Variants in RNF10 observed in about 807,000 individuals in gnomAD.
RNF10 encodes E3 ubiquitin-protein ligase RNF10.
Under a neutral mutation model 91.4 loss-of-function variants are expected in RNF10, and 38 were observed. The observed-to-expected ratio is 0.42, with a 90% CI of 0.32 to 0.54. The LOEUF (loss-of-function observed/expected upper bound fraction) is 0.54, where lower values mean the gene tolerates loss of function less well. RNF10 is among the 20% of genes least tolerant of loss of function. The probability of loss-of-function intolerance (pLI) is 0.16; values close to 1 mark genes in which losing one functional copy is unlikely to be tolerated. For missense variants in RNF10, 945 were observed against 1,012.0 expected (o/e 0.93, Z 0.90); for synonymous variants, 364 against 366.3 (o/e 0.99, Z 0.07).
rs1870490889 is a variant in RNF10, at chr12:120,534,833, G to A, written c.22G>A (p.Ala8Thr). Residue 8 changes from alanine (A) to threonine (T), a missense_variant, in exon 1 of 17, where the codon GCC becomes ACC. Coordinates refer to ENST00000325954, the MANE Select transcript of RNF10 (RefSeq NM_014868.5). ...GTTGATGCCGCTGAGCTCCCCCAACGCCGCCGCCACCGCCTCCGACATGGA... is the reference window on the plus strand; with the variant it reads ...GTTGATGCCGCTGAGCTCCCCCAACACCGCCGCCACCGCCTCCGACATGGA... MPLSSPN[A>T]AATASDMDKN... is the part of the protein sequence containing the mutation. 4 of 1,595,986 alleles carry A rather than the reference G, an allele frequency of 2.5e-6. No individual in the cohort carries two copies. Among genetic ancestry groups the A allele is most frequent in the African/African-American group, 1.3e-5 (1 of 74,670 alleles).
At chr12:120,558,936 T>G (rs1309108617) in intron 6 of RNF10, among the ~76,000 whole-genome samples, 1 of 151,966 alleles carries the variant, frequency 6.6e-6, no homozygotes, top group Non-Finnish European at 1.5e-5. Context: ...ATTAACCCTT[T>G]ATTTGAGATG....
At chr12:120,567,482 C>T (rs556211452) in intron 13 of RNF10, among the ~76,000 whole-genome samples, 2 of 151,550 alleles carry the variant, frequency 1.3e-5, no homozygotes, top group South Asian at 2.1e-4. Context: ...GCGGGTGGAT[C>T]ACGAGGTCAG....
At chr12:120,566,776 AAAAT>A in intron 12 of RNF10, 45 bp from the exon 13 acceptor site, 1 of 1,565,824 alleles carries the variant, frequency 6.4e-7, no homozygotes, top group Middle Eastern at 1.7e-4. Context: ...AAAAAAAAAA[AAAAT>A]TGAATTCTGT....
At chr12:120,571,525 A>C (rs16950282) in intron 14 of RNF10, among the ~76,000 whole-genome samples, 4,551 of 152,284 alleles carry the variant, frequency 0.03, 237 homozygotes, top group African/African-American at 0.1. Flanking sequence ...GGAGAGACTT[A>C]ACAGGCTAAT....
chr12:120,534,674 A>G lies in RNF10; in HGVS notation c.-138A>G. 1 of 1,376,376 alleles carries G rather than the reference A, an allele frequency of 7.3e-7. No homozygotes were observed. The highest frequency in any genetic ancestry group is 9.3e-7 in the Non-Finnish European group (1 of 1,074,210). The allele number at this position is 1,376,376 out of a possible 1,614,324, so 85.3% of individuals were successfully genotyped here. On this transcript the variant is annotated 5_prime_UTR_variant, in exon 1 of 17. Coordinates refer to ENST00000325954, the MANE Select transcript of RNF10 (RefSeq NM_014868.5). Reference sequence around the variant, plus strand: ...TCTTCCTAGTTTGAGAAGCCAAGGAAGGAAACAGGGAAAAATGTCGCCATG... The same window carrying G: ...TCTTCCTAGTTTGAGAAGCCAAGGAGGGAAACAGGGAAAAATGTCGCCATG...
intron 13 of RNF10, among the ~76,000 whole-genome samples, chr12:120,568,954 T>C (rs1326116231): frequency 6.6e-6 from 1 of 151,944 alleles, no homozygotes; most frequent in East Asian, 1.9e-4. Flanking sequence ...TACGTCTGAT[T>C]TCTCAGGCAT....
Position 120,575,716 on chromosome 12 carries a change from A to C in RNF10, c.2200+28A>C, listed in dbSNP as rs201579071. 5,167 of 1,613,962 alleles carry C rather than the reference A, an allele frequency of 3.2e-3. 9 individuals are homozygous for C. The highest frequency in any genetic ancestry group is 4.0e-3 in the Non-Finnish European group (4,732 of 1,179,940). The stretch of plus-strand genomic sequence containing the variant: ...GAGGATGGTCCACTGGTGAAGGGGG[A>C]GTTTGGCTTCTTTCCATAAAAGGCT... On this transcript the variant is annotated intron_variant, in intron 15 of 16. Transcript: ENST00000325954.
At chr12:120,557,102 GA>G (rs77621371) in intron 4 of RNF10, among the ~76,000 whole-genome samples, 179 bp from the exon 5 acceptor site, 2 of 137,324 alleles carry the variant, frequency 1.5e-5, no homozygotes, top group African/African-American at 5.3e-5. Flanking sequence ...AAAAAAAAAA[GA>G]AAAAAATGAT....
Position 120,560,788 on chromosome 12 carries a change from G to T in RNF10, c.1030G>T (p.Val344Leu), listed in dbSNP as rs967218537. ...CTCTAAGGAGCAGGTGCTGCACCGG[G>T]TAGTTCTGGAGGAGAAAGTAGCACT... ...LASKEQVLHRVVLEEKVALEQ... is the reference protein window; with the variant it reads ...LASKEQVLHRLVLEEKVALEQ... Residue 344 changes from valine to leucine, a missense_variant, in exon 7 of 17, where the codon GTA becomes TTA. Coordinates refer to ENST00000325954, the MANE Select transcript of RNF10 (RefSeq NM_014868.5). The T allele has an allele frequency of 6.2e-7, 1 of 1,614,082 alleles. No individual in the cohort carries two copies. Among genetic ancestry groups the T allele is most frequent in the Non-Finnish European group, 8.5e-7 (1 of 1,180,034 alleles).
At chr12:120,556,142 A>G (rs113009191) in intron 4 of RNF10, among the ~76,000 whole-genome samples, 10 of 152,194 alleles carry the variant, frequency 6.6e-5, no homozygotes, top group African/African-American at 2.2e-4. Flanking sequence ...TATAAACTCT[A>G]GGTATCCCCT....
chr12:120,535,785 C>T (rs1306415974), intron 1 of RNF10, among the ~76,000 whole-genome samples: 1 of 152,082 alleles, frequency 6.6e-6, no homozygotes, highest in Non-Finnish European at 1.5e-5. Context: ...ATAATAGCTA[C>T]CTTTAATTGA....
At chr12:120,559,329 C>T (rs1874500333) in intron 6 of RNF10, among the ~76,000 whole-genome samples, 1 of 151,484 alleles carries the variant, frequency 6.6e-6, no homozygotes, top group Non-Finnish European at 1.5e-5. Context: ...TTTCAGGCAC[C>T]TGCCACCACG....
chr12:120,555,202 GAA>G (rs1873792163), intron 4 of RNF10, among the ~76,000 whole-genome samples: 1 of 152,198 alleles, frequency 6.6e-6, no homozygotes, highest in African/African-American at 2.4e-5. Context: ...TCTTTTTTGA[GAA>G]AGAGTCTCAC....
At position 120,566,918 on chromosome 12, in the gene RNF10, G is replaced by A. The variant is rs771856939; in HGVS notation, c.1979G>A (p.Ser660Asn). 2 of 1,613,900 alleles carry A rather than the reference G, an allele frequency of 1.2e-6. No individual in the cohort carries two copies. Among genetic ancestry groups the A allele is most frequent in the South Asian group, 1.1e-5 (1 of 91,022 alleles). The change falls in exon 13 of 17, where the codon AGC (serine) becomes AAC (asparagine). Residue 660 changes from serine to asparagine, a missense_variant. Physicochemically the swap from Ser to Asn is conservative, Grantham distance 46. Transcript: ENST00000325954. The part of the protein sequence containing the change: ...CSSDSALGPT[S>N]TEGHGALSIS... Reference sequence around the variant, plus strand: ...TCTGATTCTGCTTTGGGTCCCACCAGCACCGAGGGCCATGGGGCCCTCTCC... The same window carrying A: ...TCTGATTCTGCTTTGGGTCCCACCAACACCGAGGGCCATGGGGCCCTCTCC...
At chr12:120,546,660 C>T (rs1416924614) in intron 2 of RNF10, 59 bp downstream of exon 2, 18 of 1,446,890 alleles carry the variant, frequency 1.2e-5, no homozygotes, top group South Asian at 2.5e-5. Context: ...TCCCATCCCC[C>T]GTCCCCCAGT....
At position 120,552,515 on chromosome 12, in the gene RNF10, G is replaced by C. The variant is rs778892876; in HGVS notation, c.371G>C (p.Arg124Pro). The C allele has an allele frequency of 6.2e-7, 1 of 1,613,612 alleles. No individual in the cohort carries two copies. The highest frequency in any genetic ancestry group is 1.1e-5 in the South Asian group (1 of 91,080). Residue 124 changes from arginine to proline, a missense_variant, in exon 3 of 17, where the codon CGG (arginine) becomes CCG (proline). Arg to Pro is a moderately radical substitution (Grantham distance 103). Transcript: ENST00000325954. ...GRRDEVAEAQ[R>P]AEFSPAQFSG... ...TCTCTCTAGGTAGCAGAGGCTCAAC[G>C]GGCAGAGTTTAGCCCTGCCCAGTTC...
intron 1 of RNF10, among the ~76,000 whole-genome samples, chr12:120,544,356 CA>C (rs35169785): frequency 0.013 from 1,531 of 115,048 alleles, 24 homozygotes; most frequent in African/African-American, 0.041. Flanking sequence ...CCCAACTCTA[CA>C]AAAAAAAAAA....
chr12:120,552,767 G>C, intron 3 of RNF10, 69 bp downstream of exon 3: 4 of 1,403,966 alleles, frequency 2.8e-6, no homozygotes, highest in Non-Finnish European at 3.9e-6. Context: ...GCCTCTGTGA[G>C]AGGCTTTTTT....
At chr12:120,548,841 T>G (rs1047935854) in intron 2 of RNF10, among the ~76,000 whole-genome samples, 1 of 151,964 alleles carries the variant, frequency 6.6e-6, no homozygotes, top group African/African-American at 2.4e-5. Context: ...GCTAATTTTT[T>G]TTGTATTTTT....
Sources: gnomAD v4.1 joint callset for allele counts (sites outside exome capture counted in the v4.1 genomes callset) on GRCh38, gnomAD v4.1.1 for gene constraint, MANE v1.5 for transcripts, NCBI Gene and HGNC (gene_info 2026-07-23, HGNC 2026-07-21) for gene names.